Variants in GLI1 observed in about 807,000 individuals in gnomAD.
The protein encoded by GLI1 is transcription activator GLI1.
A neutral mutation model predicts 87.8 loss-of-function variants in GLI1; 51 were observed. The ratio of observed to expected loss-of-function variants is 0.58; its 90% CI spans 0.46 to 0.73. The LOEUF is 0.73. Ranked by LOEUF, GLI1 falls within the 30% of genes least tolerant of loss-of-function variation. The pLI is 0.00. For synonymous variants in GLI1, 528 were observed against 558.2 expected (o/e 0.95, Z 0.76); for missense variants, 1,292 against 1,437.2 (o/e 0.90, Z 1.63).
At chr12:57,462,515 G>A (rs1464896477) in intron 1 of GLI1, among the ~76,000 whole-genome samples, 3 of 131,084 alleles carry the variant, frequency 2.3e-5, no homozygotes, top group Non-Finnish European at 4.8e-5. Context: ...AGTCAAAACT[G>A]GAGTTTGAAA....
In GLI1 at chr12:57,471,227, G is replaced by A. The variant is rs750538854; in HGVS notation, c.2487G>A (p.Leu829=). ...CAGTGGGGTCTGACTCCACAGGACT[G>A]GCACCCTGCCTCAATGCCCACCCCA... The part of the protein sequence containing the change: ...GCPVGSDSTG[L]APCLNAHPSE... The change falls in exon 12 of 12, where the codon CTG becomes CTA. Residue 829 remains leucine, a synonymous_variant. Transcript: ENST00000228682. This position sits in a 1 kb window ranked among gnomAD's most constrained non-coding sequence, Gnocchi z 4.9. 1.2e-6 allele frequency: 2 copies of A among 1,604,748 alleles called. No homozygotes were observed. Among genetic ancestry groups the A allele is most frequent in the East Asian group, 2.2e-5 (1 of 44,832 alleles).
At position 57,471,963 on chromosome 12, in the gene GLI1, C is replaced by T; in HGVS notation, c.3223C>T (p.Pro1075Ser). The T allele has an allele frequency of 6.2e-7, 1 of 1,604,872 alleles. No individual in the cohort carries two copies. Among genetic ancestry groups the T allele is most frequent in the Non-Finnish European group, 8.5e-7 (1 of 1,175,688 alleles). Reference sequence around the variant, plus strand: ...TCAGCGGGGCAGCTCTGGACATACCCCACCTCCCTCTGGGCCCCCCAACAT... The same window carrying T: ...TCAGCGGGGCAGCTCTGGACATACCTCACCTCCCTCTGGGCCCCCCAACAT... Reference protein sequence around the residue: ...HDQRGSSGHTPPPSGPPNMAV... With the variant: ...HDQRGSSGHTSPPSGPPNMAV... Residue 1075 changes from proline (P) to serine (S), a missense_variant, in exon 12 of 12, where the codon CCA (proline) becomes TCA (serine). Transcript: ENST00000228682. The surrounding 1 kb of genome is among the most constrained non-coding windows in gnomAD (Gnocchi z 4.9).
rs1311385347 is a variant in GLI1 at position 57,471,014 on chromosome 12, C to A, written c.2274C>A (p.Pro758=). ...PGSLPLGPGP[P]TNYGPNPCPQ... is the part of the protein sequence containing the mutation. ...CTCTGCCTCTTGGGCCTGGTCCACCCACCAACTATGGCCCCAACCCCTGTC... is the reference window on the plus strand; with the variant it reads ...CTCTGCCTCTTGGGCCTGGTCCACCAACCAACTATGGCCCCAACCCCTGTC... The change falls in exon 12 of 12, where the codon CCC becomes CCA. Residue 758 remains proline, a synonymous_variant. Transcript: ENST00000228682. The surrounding 1 kb of genome is among the most constrained non-coding windows in gnomAD (Gnocchi z 4.9). 1.9e-6 allele frequency: 3 copies of A among 1,610,302 alleles called. No individual in the cohort carries two copies. Among genetic ancestry groups the A allele is most frequent in the Non-Finnish European group, 2.5e-6 (3 of 1,178,044 alleles).
rs1209154299 is a variant in GLI1 at position 57,471,552 on chromosome 12, C to T, written c.2812C>T (p.Pro938Ser). ...PKFLGGSQVS[P>S]SRAKAPVNTY... Reference sequence around the variant, plus strand: ...GTTTCTGGGGGGTTCCCAGGTTAGCCCAAGCCGTGCTAAAGCTCCAGTGAA... The same window carrying T: ...GTTTCTGGGGGGTTCCCAGGTTAGCTCAAGCCGTGCTAAAGCTCCAGTGAA... Residue 938 changes from proline (P) to serine (S), a missense_variant, in exon 12 of 12, where the codon CCA becomes TCA. By Grantham distance (74) the Pro-to-Ser change is moderately conservative. Coordinates refer to ENST00000228682, the MANE Select transcript of GLI1 (RefSeq NM_005269.3). The surrounding 1 kb of genome is among the most constrained non-coding windows in gnomAD (Gnocchi z 4.9). The T allele has an allele frequency of 1.2e-6, 2 of 1,613,644 alleles. No individual in the cohort carries two copies.
At position 57,471,352 on chromosome 12, in the gene GLI1, A is replaced by AT; in HGVS notation, c.2614dup (p.Tyr872LeufsTer13). On this transcript the variant is annotated frameshift_variant, in exon 12 of 12. Coordinates refer to ENST00000228682, the MANE Select transcript of GLI1 (RefSeq NM_005269.3). LOFTEE classifies it high-confidence loss of function. This position sits in a 1 kb window ranked among gnomAD's most constrained non-coding sequence, Gnocchi z 4.9. ...GGCCCCTATACCCAGCCACCCCCTG[A>AT]TTATCTTCCTTCAGAACCCAGGCCT... The AT allele has an allele frequency of 6.3e-7, 1 of 1,588,534 alleles. No homozygotes were observed. The highest frequency in any genetic ancestry group is 8.6e-7 in the Non-Finnish European group (1 of 1,167,116).
At position 57,459,885 on chromosome 12, in the gene GLI1, C is replaced by T. The variant is rs889851791; in HGVS notation, c.-344C>T. 6.6e-6 allele frequency among the ~76,000 whole-genome samples: 1 copy of T among 152,016 alleles called. No homozygotes were observed. The highest frequency in any genetic ancestry group is 1.5e-5 in the Non-Finnish European group (1 of 67,996). On this transcript the variant is annotated 5_prime_UTR_variant, in exon 1 of 12. Transcript: ENST00000228682. ...TCTCTTGCTTCCAGCTACCCCGCCTCATCCTCCAGAACGGCAAGAGGGAGG... is the reference window on the plus strand; with the variant it reads ...TCTCTTGCTTCCAGCTACCCCGCCTTATCCTCCAGAACGGCAAGAGGGAGG...
rs756993955 is a variant in GLI1, at chr12:57,470,610, G to A, written c.1870G>A (p.Ala624Thr). Residue 624 changes from alanine (A) to threonine (T), a missense_variant, in exon 12 of 12, where the codon GCC (alanine) becomes ACC (threonine). Physicochemically the swap from Ala to Thr is moderately conservative, Grantham distance 58. Coordinates refer to ENST00000228682, the MANE Select transcript of GLI1 (RefSeq NM_005269.3). ...TCCCATGCCTCCTTGGAGAAGCCGA[G>A]CCGAGTATCCAGGATACAACCCCAA... ...GLPMPPWRSR[A>T]EYPGYNPNAG... The A allele has an allele frequency of 3.7e-6, 6 of 1,614,102 alleles. No individual in the cohort carries two copies. Among genetic ancestry groups the A allele is most frequent in the Non-Finnish European group, 5.1e-6 (6 of 1,180,022 alleles).
rs1011225180 is a variant in GLI1, at chr12:57,464,802, C to T, written c.323C>T (p.Ala108Val). 8.1e-6 allele frequency: 13 copies of T among 1,613,924 alleles called. No homozygotes were observed. Among genetic ancestry groups the T allele is most frequent in the Non-Finnish European group, 1.1e-5 (13 of 1,179,910 alleles). ...CGCACCTCACCCAGCTCCCTCGTAG[C>T]TTTCATCAACTCGCGATGCACATCT... ...VIRTSPSSLVAFINSRCTSPG... is the reference protein window; with the variant it reads ...VIRTSPSSLVVFINSRCTSPG... Residue 108 changes from alanine (A) to valine (V), a missense_variant, in exon 4 of 12, where the codon GCT becomes GTT. Around this residue, in one of 3 missense-constraint regions of GLI1, gnomAD observed 383 missense variants for 368.4 expected, o/e 1.04. Transcript: ENST00000228682.
chr12:57,466,536 A>G (rs1266033905), intron 8 of GLI1, 147 bp downstream of exon 8: 2 of 612,498 alleles, frequency 3.3e-6, no homozygotes, highest in African/African-American at 3.8e-5. Flanking sequence ...GTGTTGGCAT[A>G]AAGATGAATA....
rs145720544 is a variant in GLI1, at chr12:57,465,809, G to A, written c.646G>A (p.Asp216Asn). ...CTAGGATCCCCTGTTGGGGATGCTG[G>A]ATGGGCGGGAGGACCTCGAGAGAGA... The part of the protein sequence containing the change: ...GIQDPLLGML[D>N]GREDLEREEK... Residue 216 changes from aspartate (D) to asparagine (N), a missense_variant, in exon 7 of 12, where the codon GAT (aspartate) becomes AAT (asparagine). Coordinates refer to ENST00000228682, the MANE Select transcript of GLI1 (RefSeq NM_005269.3). The A allele has an allele frequency of 6.2e-7, 1 of 1,614,246 alleles. No homozygotes were observed. The highest frequency in any genetic ancestry group is 8.5e-7 in the Non-Finnish European group (1 of 1,180,030).
chr12:57,471,911 G>A lies in GLI1; in HGVS notation c.3171G>A (p.Gln1057=), dbSNP rs776799753. 9 of 1,611,894 alleles carry A rather than the reference G, an allele frequency of 5.6e-6. No homozygotes were observed. The South Asian group carries it at 7.7e-5, about 14-fold the overall frequency. ...TTGTGGCTATTCTGGATGAGCCCCA[G>A]GGGCTGAGTCCTCCTCCTTCCCATG... ...LDFVAILDEP[Q]GLSPPPSHDQ... Residue 1057 remains glutamine, a synonymous_variant, in exon 12 of 12, where the codon CAG becomes CAA. Coordinates refer to ENST00000228682, the MANE Select transcript of GLI1 (RefSeq NM_005269.3). The surrounding 1 kb of genome is among the most constrained non-coding windows in gnomAD (Gnocchi z 4.9).
intron 5 of GLI1, 175 bp downstream of exon 5, chr12:57,465,430 G>A (rs974085761): frequency 5.4e-6 from 4 of 736,206 alleles, no homozygotes; most frequent in Non-Finnish European, 8.9e-6. Flanking sequence ...CTTCCAAATG[G>A]GATCCCACCT....
At chr12:57,466,072 C>A in intron 7 of GLI1, 147 bp downstream of exon 7, 1 of 1,065,584 alleles carries the variant, frequency 9.4e-7, no homozygotes, top group Non-Finnish European at 1.4e-6. Context: ...GAAGTTGTAG[C>A]TTTGCCTTAG....
chr12:57,466,121 C>T, intron 7 of GLI1, 119 bp from the exon 8 acceptor site: 3 of 1,154,214 alleles, frequency 2.6e-6, no homozygotes, highest in Non-Finnish European at 3.8e-6. Context: ...TGATATTGCT[C>T]CTGCCTCTTC....
intron 7 of GLI1, 114 bp from the exon 8 acceptor site, chr12:57,466,126 C>A: frequency 8.4e-7 from 1 of 1,192,632 alleles, no homozygotes; most frequent in Non-Finnish European, 1.2e-6. Context: ...TTGCTCCTGC[C>A]TCTTCCTCCT....
At chr12:57,470,294 C>T in intron 11 of GLI1, 23 bp from the exon 12 acceptor site, 2 of 1,523,310 alleles carry the variant, frequency 1.3e-6, no homozygotes, top group Non-Finnish European at 1.8e-6. Flanking sequence ...GACCATCCTA[C>T]CTTTTCTCCC....
In GLI1 at chr12:57,467,323, T is replaced by C; in HGVS notation, c.913-10T>C. 3 of 1,598,922 alleles carry C rather than the reference T, an allele frequency of 1.9e-6. No individual in the cohort carries two copies. The highest frequency in any genetic ancestry group is 1.1e-5 in the South Asian group (1 of 90,120). ...TGAGAACTATCCTTTGACCCCTGCA[T>C]GTCCCCCAGTTTGAAGGGTGCCGGA... On this transcript the variant is annotated splice_polypyrimidine_tract_variant and intron_variant, in intron 8 of 11. Transcript: ENST00000228682.
At position 57,463,066 on chromosome 12, in the gene GLI1, T is replaced by G. The variant is rs1219086436; in HGVS notation, c.-27-599T>G. On this transcript the variant is annotated intron_variant, in intron 1 of 11. Transcript: ENST00000228682. ...ATATAGGCACAATTAGTCCAAAACA[T>G]GCCTTCTACACACAGACCACACAGG... Among the ~76,000 whole-genome samples, 3 of 152,266 alleles carry G rather than the reference T, an allele frequency of 2.0e-5. No homozygotes were observed. In the East Asian group the frequency reaches 5.8e-4, roughly 29 times the overall value.
intron 5 of GLI1, 109 bp from the exon 6 acceptor site, chr12:57,465,498 G>A (rs1213540184): frequency 1.0e-5 from 9 of 904,336 alleles, no homozygotes; most frequent in Non-Finnish European, 1.4e-5. Flanking sequence ...AAACCCAGGA[G>A]GTTCCAGCTG....
Sources: gnomAD v4.1 joint callset for allele counts (sites outside exome capture counted in the v4.1 genomes callset) on GRCh38, gnomAD v4.1.1 for gene constraint, gnomAD v4.1.1 regional missense constraint, Gnocchi (gnomAD v3.1) non-coding constraint, MANE v1.5 for transcripts, NCBI Gene and HGNC (gene_info 2026-07-23, HGNC 2026-07-21) for gene names.